SLC14A2: variants seen among roughly 807,000 people sequenced by gnomAD.
SLC14A2 encodes the protein urea transporter 2.
Under a neutral mutation model 104.6 loss-of-function variants are expected in SLC14A2, and 91 were observed. The observed-to-expected ratio is 0.87, with a 90% confidence interval of 0.73 to 1.04. The LOEUF (loss-of-function observed/expected upper bound fraction) is 1.04. Ranked by LOEUF, SLC14A2 falls within the 50% of genes least tolerant of loss-of-function variation. The probability of loss-of-function intolerance (pLI) is 0.00; values close to 1 mark genes in which losing one functional copy is unlikely to be tolerated. For synonymous variants in SLC14A2, 476 were observed against 466.4 expected, an observed-to-expected ratio of 1.02 and a Z score of -0.27; for missense variants, 1,189 against 1,156.0, an observed-to-expected ratio of 1.03 and a Z score of -0.41.
chr18:45,287,669 C>T (rs948810268), intron 1 of SLC14A2, among the ~76,000 whole-genome samples: 1 of 152,356 alleles, frequency 6.6e-6, no homozygotes, highest in African/African-American at 2.4e-5. Context: ...CATCCTCCTG[C>T]CTGCCTACCT....
intron 1 of SLC14A2, among the ~76,000 whole-genome samples, chr18:45,365,601 G>C (rs2085658291): frequency 6.6e-6 from 1 of 152,188 alleles, no homozygotes; most frequent in South Asian, 2.1e-4. Flanking sequence ...CTGAGGATTA[G>C]AGAGATTTCG....
the SLC14A2 span, among the ~76,000 whole-genome samples, chr18:45,188,694 G>T: frequency 6.6e-6 from 1 of 152,164 alleles, no homozygotes; most frequent in Non-Finnish European, 1.5e-5. Context: ...GTGAGGGTTT[G>T]CCTTGTCCCT....
At chr18:45,553,241 A>C (rs992431397) in intron 2 of SLC14A2, among the ~76,000 whole-genome samples, 1 of 152,220 alleles carries the variant, frequency 6.6e-6, no homozygotes, top group Non-Finnish European at 1.5e-5. Flanking sequence ...TCATAGCCCA[A>C]CAGGGCTTCC....
At chr18:45,321,743 T>C (rs979886208) in intron 1 of SLC14A2, among the ~76,000 whole-genome samples, 5 of 152,128 alleles carry the variant, frequency 3.3e-5, no homozygotes, top group Non-Finnish European at 7.4e-5. Flanking sequence ...AAAGAGAACA[T>C]TTGCACAAAC....
intron 1 of SLC14A2, among the ~76,000 whole-genome samples, chr18:45,331,033 A>G (rs2085284518): frequency 6.6e-6 from 1 of 152,252 alleles, no homozygotes; most frequent in Non-Finnish European, 1.5e-5. Flanking sequence ...AAGAAAATAC[A>G]TAGGTAAAAT....
At chr18:45,528,270 A>G (rs2043628360) in intron 2 of SLC14A2, 1 of 151,938 alleles carries the variant, frequency 6.6e-6, no homozygotes, top group Non-Finnish European at 1.5e-5. Context: ...TCTGGAGGGC[A>G]TAACATCGTT....
intron 2 of SLC14A2, among the ~76,000 whole-genome samples, chr18:45,607,554 C>T (rs1474894900): frequency 6.6e-6 from 1 of 152,168 alleles, no homozygotes; most frequent in Non-Finnish European, 1.5e-5. Context: ...AGGAGACCAC[C>T]TTATCTGATC....
At chr18:45,303,478 A>G (rs1273226111) in intron 1 of SLC14A2, among the ~76,000 whole-genome samples, 1 of 152,226 alleles carries the variant, frequency 6.6e-6, no homozygotes, top group East Asian at 1.9e-4. Flanking sequence ...TAAAGTGTCC[A>G]GGGATGGGGA....
chr18:45,367,080 T>C (rs953025696), intron 1 of SLC14A2, among the ~76,000 whole-genome samples: 6 of 152,252 alleles, frequency 3.9e-5, no homozygotes, highest in Non-Finnish European at 2.9e-5. Flanking sequence ...GAAAGGTGTT[T>C]CTTTGATCTG....
intron 2 of SLC14A2, among the ~76,000 whole-genome samples, chr18:45,494,450 TAC>T (rs1391455282): frequency 6.6e-6 from 1 of 152,134 alleles, no homozygotes; most frequent in African/African-American, 2.4e-5. Flanking sequence ...CAGGCTGGAG[TAC>T]AGTGTTGCAA....
intron 1 of SLC14A2, among the ~76,000 whole-genome samples, chr18:45,448,539 A>C (rs2086807659): frequency 6.6e-6 from 1 of 152,158 alleles, no homozygotes; most frequent in African/African-American, 2.4e-5. Context: ...GCTTCTACTA[A>C]CTGCCACTCC....
At chr18:45,635,048 A>C (rs2045397746) in intron 5 of SLC14A2, 1 of 349,250 alleles carries the variant, frequency 2.9e-6, no homozygotes, top group African/African-American at 2.1e-5. Context: ...AAAAAAAAAG[A>C]AAATTGAATA....
intron 2 of SLC14A2, among the ~76,000 whole-genome samples, chr18:45,542,916 T>G (rs577927807): frequency 7.9e-5 from 12 of 152,104 alleles, no homozygotes; most frequent in African/African-American, 2.9e-4. Context: ...CATTTTATTT[T>G]TAACTATTTA....
intron 2 of SLC14A2, among the ~76,000 whole-genome samples, chr18:45,524,428 A>C (rs1161903084): frequency 6.6e-6 from 1 of 152,188 alleles, no homozygotes; most frequent in Non-Finnish European, 1.5e-5. Flanking sequence ...GAAAAGACAA[A>C]GGCAGTGAGA....
chr18:45,363,526 C>G (rs975500771), intron 1 of SLC14A2, among the ~76,000 whole-genome samples: 13 of 152,032 alleles, frequency 8.6e-5, no homozygotes, highest in Admixed American at 4.6e-4. Flanking sequence ...GAGAATGTAC[C>G]CAGGCTGTGA....
At chr18:45,210,219 G>C (rs2083950663), upstream of SLC14A2, among the ~76,000 whole-genome samples, 1 of 152,168 alleles carries the variant, frequency 6.6e-6, no homozygotes, top group South Asian at 2.1e-4. Flanking sequence ...TTCTGCACCT[G>C]ATATTCTCCA....
chr18:45,663,672 C>T, intron 10 of SLC14A2, 113 bp from the exon 11 acceptor site: 1 of 1,189,172 alleles, frequency 8.4e-7, no homozygotes, highest in Non-Finnish European at 1.2e-6. Context: ...CAGCTTCAGG[C>T]TTCACTGCTC....
At chr18:45,639,348 GC>G (rs1463342487) in intron 6 of SLC14A2, among the ~76,000 whole-genome samples, 1 of 152,146 alleles carries the variant, frequency 6.6e-6, no homozygotes, top group Non-Finnish European at 1.5e-5. Context: ...CATCAAAATG[GC>G]CTACTGTATT....
upstream of SLC14A2, among the ~76,000 whole-genome samples, chr18:45,210,651 C>T (rs2083953791): frequency 1.3e-5 from 2 of 152,212 alleles, no homozygotes; most frequent in African/African-American, 4.8e-5. Context: ...TGAATGTCAT[C>T]TAAGTACAGC....
Sources: allele counts gnomAD v4.1 joint callset (sites outside exome capture counted in the v4.1 genomes callset), GRCh38; gene constraint gnomAD v4.1.1; transcripts MANE v1.5; gene names NCBI Gene and HGNC (gene_info 2026-07-23, HGNC 2026-07-21).